S100Z: variants seen among roughly 807,000 people sequenced by gnomAD.
The protein encoded by S100Z is S100 calcium binding protein Z.
Under a neutral mutation model 8.5 loss-of-function variants are expected in S100Z, and 11 were observed. That is an observed-to-expected ratio of 1.30 (90% CI 0.82 to 2.15). The LOEUF (loss-of-function observed/expected upper bound fraction) is 2.15. Among genes scored for constraint, S100Z ranks in the 30% most tolerant of loss-of-function variants. S100Z has a pLI of 0.00. For missense variants in S100Z, 126 were observed against 117.9 expected (o/e 1.07, Z -0.32); for synonymous variants, 34 against 43.8 (o/e 0.78, Z 0.89).
chr5:76,941,784 G>A, the S100Z span, among the ~76,000 whole-genome samples: 5 of 151,828 alleles, frequency 3.3e-5, no homozygotes, highest in African/African-American at 1.2e-4. Flanking sequence ...TTTAAGGAGC[G>A]GGGAGTTATG....
chr5:76,879,848 G>A (rs1287202072), intron 4 of S100Z, among the ~76,000 whole-genome samples: 2 of 152,150 alleles, frequency 1.3e-5, no homozygotes, highest in African/African-American at 4.8e-5. Flanking sequence ...CCATTCAGAG[G>A]TGAAGTAGGA....
At chr5:76,900,209 AGT>A (rs1004780897) in intron 4 of S100Z, among the ~76,000 whole-genome samples, 1 of 152,172 alleles carries the variant, frequency 6.6e-6, no homozygotes, top group African/African-American at 2.4e-5. Flanking sequence ...GCCTTGAGGT[AGT>A]CTTATTTAGG....
At chr5:76,881,774 A>C (rs1743409042) in intron 4 of S100Z, among the ~76,000 whole-genome samples, 1 of 152,186 alleles carries the variant, frequency 6.6e-6, no homozygotes, top group African/African-American at 2.4e-5. Context: ...AAGGAGAAAA[A>C]CTGCCATGAG....
chr5:76,892,574 G>C (rs1441147945), intron 4 of S100Z, among the ~76,000 whole-genome samples: 1 of 152,066 alleles, frequency 6.6e-6, no homozygotes, highest in African/African-American at 2.4e-5. Context: ...GAACATCTGT[G>C]ATCTGTGCTT....
intron 4 of S100Z, among the ~76,000 whole-genome samples, chr5:76,880,002 G>A (rs1244150795): frequency 3.3e-5 from 5 of 152,222 alleles, no homozygotes; most frequent in Non-Finnish European, 4.4e-5. Context: ...CGAAAAGAGA[G>A]TCAGCAAAGG....
At chr5:76,933,365 T>C in the S100Z span, among the ~76,000 whole-genome samples, 2 of 152,306 alleles carry the variant, frequency 1.3e-5, no homozygotes, top group Middle Eastern at 3.4e-3. Context: ...TGAGACGGCC[T>C]CTTCGAGAGG....
the S100Z span, chr5:76,952,935 C>CT: frequency 3.4e-6 from 2 of 583,410 alleles, no homozygotes; most frequent in Non-Finnish European, 6.1e-6. Context: ...GCCACGTACT[C>CT]TGTCAATGAG....
chr5:76,853,130 T>C (rs911649865), intron 1 of S100Z, among the ~76,000 whole-genome samples: 3 of 152,354 alleles, frequency 2.0e-5, no homozygotes, highest in Admixed American at 6.5e-5. Flanking sequence ...GCCAATGTGA[T>C]ACAGTTCAGA....
the S100Z span, among the ~76,000 whole-genome samples, chr5:76,931,110 T>C: frequency 6.6e-6 from 1 of 151,814 alleles, no homozygotes; most frequent in Admixed American, 6.6e-5. Context: ...CTTCCTTTTT[T>C]TTTTTCTTTT....
At chr5:76,934,204 C>T in the S100Z span, among the ~76,000 whole-genome samples, 13 of 152,206 alleles carry the variant, frequency 8.5e-5, no homozygotes, top group African/African-American at 3.1e-4. Context: ...CCACAGACCA[C>T]TAAATCAGAA....
At chr5:76,901,442 C>T (rs1744221274) in intron 4 of S100Z, among the ~76,000 whole-genome samples, 1 of 152,214 alleles carries the variant, frequency 6.6e-6, no homozygotes, top group Non-Finnish European at 1.5e-5. Context: ...CCACAAGATG[C>T]AGTTCTTCCC....
At chr5:76,925,020 T>C (rs941115799), downstream of S100Z, among the ~76,000 whole-genome samples, 1 of 152,128 alleles carries the variant, frequency 6.6e-6, no homozygotes, top group East Asian at 1.9e-4. Flanking sequence ...AAGGTTGCTG[T>C]TGGGTTGTCG....
At chr5:76,937,230 G>A in the S100Z span, among the ~76,000 whole-genome samples, 1 of 151,192 alleles carries the variant, frequency 6.6e-6, no homozygotes, top group Non-Finnish European at 1.5e-5. Context: ...ACATATGTAG[G>A]TGATATAACC....
At position 76,884,933 on chromosome 5, in the gene S100Z, A is replaced by C. The variant is rs1403539118; in HGVS notation, c.*2+7099A>C. 2.0e-5 allele frequency among the ~76,000 whole-genome samples: 3 copies of C among 152,156 alleles called. No homozygotes were observed. In the East Asian group the frequency reaches 5.8e-4, roughly 29 times the overall value. Reference sequence around the variant, plus strand: ...AGAGAAAGAAGAAAGATTTGGGACGAGTCTCACTGGGAGCAGAGACTAGGG... The same window carrying C: ...AGAGAAAGAAGAAAGATTTGGGACGCGTCTCACTGGGAGCAGAGACTAGGG... On this transcript the variant is annotated intron_variant, in intron 4 of 4. Coordinates refer to ENST00000317593, the MANE Select transcript of S100Z (RefSeq NM_130772.4).
At chr5:76,851,241 T>C (rs1489908698) in intron 1 of S100Z, among the ~76,000 whole-genome samples, 1 of 152,106 alleles carries the variant, frequency 6.6e-6, no homozygotes, top group Admixed American at 6.5e-5. Context: ...GCACAGATGG[T>C]GCAGAGGGGA....
chr5:76,891,572 T>C (rs1480122758), intron 4 of S100Z, among the ~76,000 whole-genome samples: 1 of 152,164 alleles, frequency 6.6e-6, no homozygotes, highest in Non-Finnish European at 1.5e-5. Context: ...GATTCTGCAT[T>C]CCTAACAAAC....
chr5:76,921,126 G>A lies in S100Z; in HGVS notation c.*412G>A, dbSNP rs1745021096. ...ACTTCTTCATTCGAATTTTCCCTAG[G>A]TCCATGTATCTATATATCTATGGTT... On this transcript the variant is annotated 3_prime_UTR_variant, in exon 5 of 5. Coordinates refer to ENST00000317593, the MANE Select transcript of S100Z (RefSeq NM_130772.4). 1 of 151,988 alleles carries A rather than the reference G, an allele frequency of 6.6e-6. No individual in the cohort carries two copies. The highest frequency in any genetic ancestry group is 2.1e-4 in the South Asian group (1 of 4,818). 9.4% of individuals were successfully genotyped at this position (151,988 alleles called of 1,614,324 possible).
chr5:76,867,393 G>A (rs1316498542), intron 1 of S100Z, among the ~76,000 whole-genome samples: 1 of 152,138 alleles, frequency 6.6e-6, no homozygotes, highest in Non-Finnish European at 1.5e-5. Context: ...GGCAGTTCCT[G>A]GCTCAGACAC....
At chr5:76,912,832 AAGAGACAGAAAGAGAG>A (rs964056288) in intron 4 of S100Z, among the ~76,000 whole-genome samples, 4 of 152,020 alleles carry the variant, frequency 2.6e-5, no homozygotes, top group African/African-American at 7.2e-5. Context: ...AAAAGAGAGA[AAGAGACAGAAAGAGAG>A]AGAGAGAGGA....
Sources: gnomAD v4.1 joint callset for allele counts (sites outside exome capture counted in the v4.1 genomes callset) on GRCh38, gnomAD v4.1.1 for gene constraint, MANE v1.5 for transcripts, NCBI Gene and HGNC (gene_info 2026-07-23, HGNC 2026-07-21) for gene names.